NCK2: variants seen among roughly 807,000 people sequenced by gnomAD.
The protein encoded by NCK2 is cytoplasmic protein NCK2.
NCK2 carries 16 observed loss-of-function variants against 33.9 expected under a neutral mutation model. The observed-to-expected ratio is 0.47, with a 90% confidence interval of 0.32 to 0.72. NCK2 has a LOEUF of 0.72. NCK2 is among the 30% of genes least tolerant of loss of function. The pLI is 0.03. For missense variants in NCK2, 418 were observed against 537.3 expected (o/e 0.78, Z 2.19); for synonymous variants, 273 against 239.9 (o/e 1.14, Z -1.27).
At position 105,862,313 on chromosome 2, in the gene NCK2, G is replaced by A. The variant is rs1184460693; in HGVS notation, c.226+7024G>A. 3.3e-5 allele frequency among the ~76,000 whole-genome samples: 5 copies of A among 152,128 alleles called. No individual in the cohort carries two copies. The East Asian group carries it at 5.8e-4, about 18-fold the overall frequency. ...TTAGATCAAAAGACCCAGGTTAGTC[G>A]AGTAGTCAAGCAAGATTTTAGTTAC... is the stretch of plus-strand genomic sequence containing the variant. On this transcript the variant is annotated intron_variant, in intron 3 of 4. Transcript: ENST00000233154.
At chr2:105,795,795 T>G (rs1397731734) in intron 1 of NCK2, among the ~76,000 whole-genome samples, 1 of 152,168 alleles carries the variant, frequency 6.6e-6, no homozygotes, top group African/African-American at 2.4e-5. Context: ...TTTGAGTCAT[T>G]ATTCCTCCCT....
chr2:105,769,350 C>T (rs1474783236), intron 1 of NCK2, among the ~76,000 whole-genome samples: 5 of 149,588 alleles, frequency 3.3e-5, no homozygotes, highest in African/African-American at 1.2e-4. Flanking sequence ...TGATGCGTGC[C>T]TATTTTACAT....
chr2:105,807,199 C>T (rs1675078273), intron 1 of NCK2, among the ~76,000 whole-genome samples: 1 of 152,214 alleles, frequency 6.6e-6, no homozygotes, highest in Non-Finnish European at 1.5e-5. Context: ...CGGAACAGCT[C>T]ACTCTGGGTG....
At chr2:105,859,207 A>G (rs1206441009) in intron 3 of NCK2, among the ~76,000 whole-genome samples, 1 of 152,122 alleles carries the variant, frequency 6.6e-6, no homozygotes, top group Non-Finnish European at 1.5e-5. Flanking sequence ...GTTTTTTGTT[A>G]CTACTTTATG....
intron 1 of NCK2, among the ~76,000 whole-genome samples, chr2:105,761,045 C>T (rs963177560): frequency 6.6e-6 from 1 of 152,126 alleles, no homozygotes; most frequent in Admixed American, 6.5e-5. Context: ...TGACTGGGCT[C>T]AGGAAGTGGT....
At chr2:105,770,953 C>T (rs1270824952) in intron 1 of NCK2, among the ~76,000 whole-genome samples, 2 of 152,022 alleles carry the variant, frequency 1.3e-5, no homozygotes, top group East Asian at 1.9e-4. Flanking sequence ...GACGGAGTCT[C>T]GCTCTGTCGC....
intron 1 of NCK2, among the ~76,000 whole-genome samples, chr2:105,753,444 C>T (rs1057075129): frequency 1.3e-5 from 2 of 152,354 alleles, no homozygotes; most frequent in Middle Eastern, 3.4e-3. Flanking sequence ...TGGGGAGAAC[C>T]GCTGCTGGAG....
intron 4 of NCK2, 141 bp from the exon 5 acceptor site, chr2:105,892,841 A>G (rs1679044744): frequency 6.5e-6 from 4 of 614,828 alleles, no homozygotes; most frequent in South Asian, 2.5e-5. Flanking sequence ...GTGAAACTCC[A>G]TCTCAAAAAA....
chr2:105,818,434 T>A (rs936518315), intron 2 of NCK2, among the ~76,000 whole-genome samples: 3 of 151,640 alleles, frequency 2.0e-5, no homozygotes, highest in African/African-American at 7.3e-5. Flanking sequence ...GTAATAAAAA[T>A]ATATATATAT....
intron 1 of NCK2, among the ~76,000 whole-genome samples, chr2:105,747,066 CCT>C (rs1441632328): frequency 6.6e-6 from 1 of 152,152 alleles, no homozygotes; most frequent in East Asian, 1.9e-4. Flanking sequence ...AGAAACTGAC[CCT>C]GTTAACCGTC....
intron 1 of NCK2, among the ~76,000 whole-genome samples, chr2:105,775,578 T>G (rs1173857363): frequency 6.6e-6 from 1 of 152,280 alleles, no homozygotes; most frequent in East Asian, 1.9e-4. Flanking sequence ...AATTTATGCC[T>G]TAACTTAAAT....
chr2:105,792,230 A>C (rs1690910493), intron 1 of NCK2, among the ~76,000 whole-genome samples: 1 of 152,202 alleles, frequency 6.6e-6, no homozygotes, highest in Non-Finnish European at 1.5e-5. Flanking sequence ...TTCAGCTATC[A>C]CATTTTATGA....
At chr2:105,818,196 C>CAG in intron 2 of NCK2, among the ~76,000 whole-genome samples, 2 of 144,656 alleles carry the variant, frequency 1.4e-5, no homozygotes, top group Non-Finnish European at 3.0e-5. Flanking sequence ...CCAAACACTG[C>CAG]ATGTTCTAAC....
intron 2 of NCK2, among the ~76,000 whole-genome samples, chr2:105,834,484 G>T (rs1218723825): frequency 4.0e-5 from 6 of 150,602 alleles, no homozygotes; most frequent in Admixed American, 4.0e-4. Context: ...CTTACTTTTG[G>T]TTTTCATTTC....
chr2:105,893,419 T>G lies in NCK2; in HGVS notation c.*243T>G. 6.7e-6 allele frequency: 3 copies of G among 447,642 alleles called. No individual in the cohort carries two copies. 27.7% of individuals were successfully genotyped at this position (447,642 alleles called of 1,614,324 possible). ...GCAGGGCGAGTTCACATTATTCCTT[T>G]TCCATCGGAAGTGGCGCTCGTGCAT... is the stretch of plus-strand genomic sequence containing the variant. On this transcript the variant is annotated 3_prime_UTR_variant, in exon 5 of 5. Transcript: ENST00000233154.
chr2:105,821,869 A>T (rs1255334648), intron 2 of NCK2, among the ~76,000 whole-genome samples: 1 of 149,080 alleles, frequency 6.7e-6, no homozygotes, highest in Non-Finnish European at 1.5e-5. Context: ...CCATCTATTA[A>T]CAGCAGCCCG....
At chr2:105,860,225 G>A (rs1018888818) in intron 3 of NCK2, among the ~76,000 whole-genome samples, 1 of 152,180 alleles carries the variant, frequency 6.6e-6, no homozygotes, top group African/African-American at 2.4e-5. Context: ...GTTGGAGGCT[G>A]CAGTGAGCAG....
chr2:105,852,440 A>G (rs1442596842), intron 2 of NCK2, among the ~76,000 whole-genome samples: 3 of 152,082 alleles, frequency 2.0e-5, no homozygotes. Flanking sequence ...GGCCTCTTTC[A>G]TAAAGATACT....
At chr2:105,747,772 C>T (rs192293657) in intron 1 of NCK2, among the ~76,000 whole-genome samples, 6 of 152,308 alleles carry the variant, frequency 3.9e-5, no homozygotes, top group East Asian at 3.9e-4. Flanking sequence ...AAATACTTCA[C>T]GGCACGTTTT....
Sources: gnomAD v4.1 joint callset for allele counts (sites outside exome capture counted in the v4.1 genomes callset) on GRCh38, gnomAD v4.1.1 for gene constraint, MANE v1.5 for transcripts, NCBI Gene and HGNC (gene_info 2026-07-23, HGNC 2026-07-21) for gene names.